The following DOCK1 variants were observed in gnomAD, a reference collection of about 807,000 sequenced individuals.
DOCK1 encodes the protein dedicator of cytokinesis protein 1.
In DOCK1, 138 loss-of-function variants were observed where a neutral mutation model predicts 262.7. That is an observed-to-expected ratio of 0.53 (90% CI 0.46 to 0.61). The LOEUF is 0.61. DOCK1 is among the 20% of genes least tolerant of loss of function. The probability of loss-of-function intolerance (pLI) is 0.00; values close to 1 mark genes in which losing one functional copy is unlikely to be tolerated. For synonymous variants in DOCK1, 866 were observed against 867.4 expected, an observed-to-expected ratio of 1.00 and a Z score of 0.03; for missense variants, 1,908 against 2,370.7, an observed-to-expected ratio of 0.80 and a Z score of 4.05.
intron 28 of DOCK1, 35 bp downstream of exon 28, chr10:127,248,144 G>A (rs1429421573): frequency 1.9e-6 from 3 of 1,564,718 alleles, no homozygotes; most frequent in South Asian, 2.3e-5. Flanking sequence ...ACATAACCAT[G>A]TTTTAGGGCC....
chr10:127,108,225 T>G (rs1415869026), intron 24 of DOCK1, among the ~76,000 whole-genome samples: 1 of 152,170 alleles, frequency 6.6e-6, no homozygotes, highest in African/African-American at 2.4e-5. Context: ...CAAACTTAAG[T>G]CCACTACCCA....
intron 28 of DOCK1, among the ~76,000 whole-genome samples, chr10:127,253,664 A>G (rs1321350374): frequency 6.6e-6 from 1 of 152,130 alleles, no homozygotes; most frequent in Non-Finnish European, 1.5e-5. Flanking sequence ...TATTGAGCCC[A>G]GAAATTCAAG....
intron 19 of DOCK1, among the ~76,000 whole-genome samples, chr10:127,041,242 C>T (rs1024533977): frequency 1.3e-5 from 2 of 152,128 alleles, no homozygotes; most frequent in Non-Finnish European, 2.9e-5. Flanking sequence ...GGATTACAAG[C>T]GTGTGCCACC....
At chr10:127,024,945 G>A in intron 15 of DOCK1, 162 bp downstream of exon 15, 1 of 568,136 alleles carries the variant, frequency 1.8e-6, no homozygotes. Context: ...CCACACTGGT[G>A]TTTCTTAGAA....
intron 29 of DOCK1, among the ~76,000 whole-genome samples, chr10:127,319,093 A>G (rs1021291068): frequency 6.6e-6 from 1 of 152,224 alleles, no homozygotes; most frequent in Non-Finnish European, 1.5e-5. Flanking sequence ...CAAGGACAAC[A>G]AAGGAGAAGA....
rs143972321 is a variant in DOCK1, at chr10:127,227,451, G to A, written c.2848-20557G>A. On this transcript the variant is annotated intron_variant, in intron 27 of 51. Transcript: ENST00000623213. ...GAGCACCCATCTGGCCTGGCAAGAA[G>A]CAGGCACGAAAGGCATATGGGCCGT... 1.3e-4 allele frequency among the ~76,000 whole-genome samples: 20 copies of A among 152,330 alleles called. No homozygotes were observed. In the East Asian group the frequency reaches 1.5e-3, roughly 12 times the overall value.
At chr10:126,920,445 C>T (rs946361051) in intron 1 of DOCK1, among the ~76,000 whole-genome samples, 3 of 152,126 alleles carry the variant, frequency 2.0e-5, no homozygotes, top group African/African-American at 7.2e-5. Flanking sequence ...ATTGTGGGAC[C>T]CCAGTGGGGC....
At chr10:126,997,570 G>A (rs1419546467) in intron 7 of DOCK1, among the ~76,000 whole-genome samples, 1 of 152,060 alleles carries the variant, frequency 6.6e-6, no homozygotes, top group African/African-American at 2.4e-5. Context: ...GGACAGCACT[G>A]AGAGGATGGT....
At chr10:127,130,270 C>A (rs1373813852) in intron 27 of DOCK1, among the ~76,000 whole-genome samples, 1 of 151,538 alleles carries the variant, frequency 6.6e-6, no homozygotes, top group Admixed American at 6.6e-5. Flanking sequence ...TTTTTTAGTA[C>A]AGTTGGGGTT....
chr10:127,174,773 TC>T (rs2054921758), intron 27 of DOCK1, among the ~76,000 whole-genome samples: 1 of 152,218 alleles, frequency 6.6e-6, no homozygotes, highest in Non-Finnish European at 1.5e-5. Context: ...CATTTACTTT[TC>T]CAAATGTCAC....
intron 1 of DOCK1, among the ~76,000 whole-genome samples, chr10:126,928,805 A>G (rs1309721034): frequency 2.0e-5 from 3 of 152,228 alleles, no homozygotes; most frequent in Non-Finnish European, 2.9e-5. Flanking sequence ...ACCAGAAACT[A>G]AAGAGAAATG....
At chr10:126,984,580 G>C (rs2039222980) in intron 4 of DOCK1, among the ~76,000 whole-genome samples, 1 of 151,782 alleles carries the variant, frequency 6.6e-6, no homozygotes, top group Admixed American at 6.6e-5. Flanking sequence ...TGGTGGCCAG[G>C]CTGGTCTTGA....
intron 40 of DOCK1, among the ~76,000 whole-genome samples, chr10:127,405,938 G>A (rs1428188079): frequency 6.6e-6 from 1 of 152,204 alleles, no homozygotes; most frequent in Non-Finnish European, 1.5e-5. Flanking sequence ...TTAGTTACAA[G>A]CTCTAAATTA....
intron 22 of DOCK1, among the ~76,000 whole-genome samples, chr10:127,060,118 C>T (rs527463748): frequency 3.8e-4 from 32 of 83,318 alleles, no homozygotes; most frequent in African/African-American, 7.8e-4. Flanking sequence ...TTTCCAAACT[C>T]GAGTCATTTT....
chr10:127,003,895 A>G (rs980095315), intron 10 of DOCK1, among the ~76,000 whole-genome samples: 1 of 152,122 alleles, frequency 6.6e-6, no homozygotes. Flanking sequence ...CGGAGGTTGC[A>G]GTGAGCTAAG....
At chr10:127,260,841 G>GCC (rs2060018849) in intron 29 of DOCK1, among the ~76,000 whole-genome samples, 1 of 143,384 alleles carries the variant, frequency 7.0e-6, no homozygotes, top group Non-Finnish European at 1.5e-5. Context: ...GGGTGTGCGT[G>GCC]TGTGTACCCG....
intron 35 of DOCK1, among the ~76,000 whole-genome samples, chr10:127,378,280 A>G (rs1303062479): frequency 6.6e-6 from 1 of 152,240 alleles, no homozygotes; most frequent in Non-Finnish European, 1.5e-5. Context: ...AAATGGAAAT[A>G]TAATGCAGAT....
At chr10:127,174,524 G>A (rs577699833) in intron 27 of DOCK1, among the ~76,000 whole-genome samples, 1 of 152,130 alleles carries the variant, frequency 6.6e-6, no homozygotes, top group Non-Finnish European at 1.5e-5. Flanking sequence ...TCTTATCAAC[G>A]CAATAAAGTA....
intron 21 of DOCK1, among the ~76,000 whole-genome samples, chr10:127,052,294 G>A (rs181368557): frequency 6.6e-6 from 1 of 152,218 alleles, no homozygotes; most frequent in East Asian, 1.9e-4. Context: ...GGAGGCCAAG[G>A]GGGGTGGATT....
Sources: allele counts gnomAD v4.1 joint callset (sites outside exome capture counted in the v4.1 genomes callset), GRCh38; gene constraint gnomAD v4.1.1; transcripts MANE v1.5; gene names NCBI Gene and HGNC (gene_info 2026-07-23, HGNC 2026-07-21).